Variants in NFXL1 observed in about 807,000 individuals in gnomAD.
The protein encoded by NFXL1 is nuclear transcription factor, X-box binding like 1, also known as NF-X1-type zinc finger protein NFXL1.
Under a neutral mutation model 123.3 loss-of-function variants are expected in NFXL1, and 66 were observed. The ratio of observed to expected loss-of-function variants is 0.54; its 90% confidence interval spans 0.44 to 0.66. The LOEUF (loss-of-function observed/expected upper bound fraction) is 0.66. NFXL1 is among the 30% of genes least tolerant of loss of function. NFXL1 has a pLI of 0.00. For missense variants in NFXL1, 944 were observed against 1,125.6 expected, an observed-to-expected ratio of 0.84 and a Z score of 2.31; for synonymous variants, 346 against 360.8, an observed-to-expected ratio of 0.96 and a Z score of 0.46.
chr4:47,851,401 G>A (rs913529556), intron 21 of NFXL1, among the ~76,000 whole-genome samples: 3 of 152,006 alleles, frequency 2.0e-5, no homozygotes, highest in Admixed American at 1.3e-4. Flanking sequence ...GTATTACATC[G>A]TAATTCAAAG....
intron 2 of NFXL1, among the ~76,000 whole-genome samples, chr4:47,913,646 G>A (rs1283898058): frequency 2.0e-5 from 3 of 152,176 alleles, no homozygotes; most frequent in African/African-American, 4.8e-5. Flanking sequence ...TTAAAACTCT[G>A]TGTTAACCAA....
intron 3 of NFXL1, among the ~76,000 whole-genome samples, chr4:47,906,109 A>G (rs558121501): frequency 6.6e-6 from 1 of 152,336 alleles, no homozygotes; most frequent in East Asian, 1.9e-4. Context: ...TGCAGTGAGC[A>G]GTTACTGCAG....
upstream of NFXL1, chr4:47,914,624 GC>G: frequency 6.5e-6 from 1 of 153,406 alleles, no homozygotes; most frequent in Non-Finnish European, 1.4e-5. Context: ...GACTGCGCAC[GC>G]CCCCAACAGA....
Position 47,873,021 on chromosome 4 carries a change from C to T in NFXL1, c.2246+2106G>A, listed in dbSNP as rs114346070. Among the ~76,000 whole-genome samples the T allele has an allele frequency of 6.3e-3, 959 of 152,312 alleles. 10 individuals carry two copies. The highest frequency in any genetic ancestry group is 0.022 in the African/African-American group (922 of 41,570). ...TTGGGTAATATTCTAAATCCTAATC[C>T]TTTGCTGTCATTTCAGCAATGTTCA... On this transcript the variant is annotated intron_variant, in intron 18 of 22. Transcript: ENST00000507489.
chr4:47,892,957 A>T (rs534897991), intron 11 of NFXL1, among the ~76,000 whole-genome samples: 1 of 152,260 alleles, frequency 6.6e-6, no homozygotes, highest in South Asian at 2.1e-4. Context: ...AGACATTACA[A>T]ATATAGCCTA....
Position 47,862,874 on chromosome 4 carries a change from C to A in NFXL1, c.2288G>T (p.Ser763Ile). The change falls in exon 19 of 23, where the codon AGT becomes ATT. Residue 763 changes from serine (S) to isoleucine (I), a missense_variant. Around this residue, in one of 4 missense-constraint regions of NFXL1, gnomAD observed 301 missense variants for 348.0 expected, o/e 0.86. Coordinates refer to ENST00000507489, the MANE Select transcript of NFXL1 (RefSeq NM_001278624.2). ...TADVNEKNLL[S>I]CCKNQCPKEL... is the part of the protein sequence containing the mutation. ...TTTAGGGCACTGATTTTTGCAACAA[C>A]TGAGGAGGTTCTTTTCATTTACATC... 6.3e-7 allele frequency: 1 copy of A among 1,582,882 alleles called. No individual in the cohort carries two copies. Among genetic ancestry groups the A allele is most frequent in the Non-Finnish European group, 8.6e-7 (1 of 1,167,598 alleles).
chr4:47,897,992 T>C lies in NFXL1; in HGVS notation c.1179A>G (p.Lys393=). ...GACGECPRSG[K]RFCPCQKSKF... Reference sequence around the variant, plus strand: ...TTGATTTCTGACATGGACAGAACCTTTTCCCAGATCGAGGACATTCTCCAC... The same window carrying C: ...TTGATTTCTGACATGGACAGAACCTCTTCCCAGATCGAGGACATTCTCCAC... The change falls in exon 9 of 23, where the codon AAA becomes AAG. Residue 393 remains lysine (K), a synonymous_variant. Transcript: ENST00000507489. 1 of 1,610,432 alleles carries C rather than the reference T, an allele frequency of 6.2e-7. No homozygotes were observed.
At chr4:47,906,590 A>C (rs1737575298) in intron 3 of NFXL1, among the ~76,000 whole-genome samples, 1 of 152,186 alleles carries the variant, frequency 6.6e-6, no homozygotes, top group South Asian at 2.1e-4. Flanking sequence ...AGTTTTTAAA[A>C]AAATCCTTAA....
rs773040895 is a variant in NFXL1, at chr4:47,914,146, T to G, written c.58A>C (p.Thr20Pro). ...ACTCCATTTCCTGAGGGGGCGGCAG[T>G]GGCCCGTCCCCGGGATCGGCCTCGG... is the stretch of plus-strand genomic sequence containing the variant. ...GGRGRSRGRA[T>P]AAPSGNGVHL... is the part of the protein sequence containing the mutation. The change falls in exon 2 of 23, where the codon ACT becomes CCT. Residue 20 changes from threonine to proline, a missense_variant. Physicochemically the swap from Thr to Pro is conservative, Grantham distance 38. Around this residue, in one of 4 missense-constraint regions of NFXL1, gnomAD observed 303 missense variants for 292.1 expected, o/e 1.04. Coordinates refer to ENST00000507489, the MANE Select transcript of NFXL1 (RefSeq NM_001278624.2). 1.0e-5 allele frequency: 16 copies of G among 1,544,138 alleles called. No individual in the cohort carries two copies. The highest frequency in any genetic ancestry group is 1.8e-4 in the Middle Eastern group (1 of 5,558).
chr4:47,906,898 AG>A (rs1737588371), intron 3 of NFXL1, among the ~76,000 whole-genome samples: 1 of 152,234 alleles, frequency 6.6e-6, no homozygotes, highest in South Asian at 2.1e-4. Flanking sequence ...TGGCAACTAA[AG>A]AAAAATGAGT....
intron 20 of NFXL1, among the ~76,000 whole-genome samples, chr4:47,853,228 G>A (rs1734224669): frequency 1.3e-5 from 2 of 152,048 alleles, no homozygotes; most frequent in South Asian, 2.1e-4. Context: ...GAAATAAACA[G>A]TATAATCATC....
At chr4:47,910,304 G>A (rs182453654) in intron 3 of NFXL1, among the ~76,000 whole-genome samples, 4 of 152,170 alleles carry the variant, frequency 2.6e-5, no homozygotes, top group Non-Finnish European at 4.4e-5. Context: ...GCACCACTAC[G>A]TACCACTGCG....
At chr4:47,908,653 T>C (rs1319847483) in intron 3 of NFXL1, among the ~76,000 whole-genome samples, 1 of 151,904 alleles carries the variant, frequency 6.6e-6, no homozygotes, top group Non-Finnish European at 1.5e-5. Flanking sequence ...AAGACATGAC[T>C]GAAAAAAGAA....
At chr4:47,859,305 G>A (rs1443407177) in intron 19 of NFXL1, among the ~76,000 whole-genome samples, 1 of 152,100 alleles carries the variant, frequency 6.6e-6, no homozygotes, top group African/African-American at 2.4e-5. Context: ...AACACTTGTA[G>A]AACAATATTA....
intron 18 of NFXL1, among the ~76,000 whole-genome samples, chr4:47,872,633 C>G (rs954513986): frequency 4.6e-5 from 7 of 152,142 alleles, no homozygotes; most frequent in African/African-American, 1.4e-4. Context: ...TTACACAATA[C>G]TGCAATATAC....
chr4:47,850,033 C>G (rs1186717218), intron 22 of NFXL1, among the ~76,000 whole-genome samples: 1 of 151,560 alleles, frequency 6.6e-6, no homozygotes, highest in Non-Finnish European at 1.5e-5. Flanking sequence ...CCTACATATA[C>G]TAAGGACTGA....
chr4:47,882,086 G>T (rs995009420), intron 15 of NFXL1, among the ~76,000 whole-genome samples: 1 of 152,142 alleles, frequency 6.6e-6, no homozygotes, highest in African/African-American at 2.4e-5. Flanking sequence ...ACTGTAAATT[G>T]TATCACTAAT....
rs1578036740 is a variant in NFXL1, at chr4:47,899,186, A to C, written c.827-66T>G. 7.8e-6 allele frequency: 11 copies of C among 1,413,426 alleles called. No homozygotes were observed. In the East Asian group the frequency reaches 1.4e-4, roughly 19 times the overall value. The allele number at this position is 1,413,426 out of a possible 1,614,324, so 87.6% of individuals were successfully genotyped here. On this transcript the variant is annotated intron_variant, in intron 6 of 22. Transcript: ENST00000507489. ...TCTAAAGTCAGAAACTAAAACTTTCAATTTCTACACCTATCAATAATTTCT... is the reference window on the plus strand; with the variant it reads ...TCTAAAGTCAGAAACTAAAACTTTCCATTTCTACACCTATCAATAATTTCT...
intron 19 of NFXL1, among the ~76,000 whole-genome samples, chr4:47,861,879 T>C (rs1461641400): frequency 6.6e-6 from 1 of 152,194 alleles, no homozygotes; most frequent in African/African-American, 2.4e-5. Context: ...TTGATTCCTG[T>C]TTTATACTTA....
Sources: allele counts gnomAD v4.1 joint callset (sites outside exome capture counted in the v4.1 genomes callset), GRCh38; gene constraint gnomAD v4.1.1; regional missense constraint gnomAD v4.1.1; transcripts MANE v1.5; gene names NCBI Gene and HGNC (gene_info 2026-07-23, HGNC 2026-07-21).